CDK8: variants seen among roughly 807,000 people sequenced by gnomAD.
CDK8 encodes the protein cyclin-dependent kinase 8.
CDK8 carries 29 observed loss-of-function variants against 71.5 expected under a neutral mutation model. The observed-to-expected ratio is 0.41, with a 90% CI of 0.30 to 0.55. The LOEUF (loss-of-function observed/expected upper bound fraction) is 0.55, where lower values mean the gene tolerates loss of function less well. Ranked by LOEUF, CDK8 falls within the 20% of genes least tolerant of loss-of-function variation. The pLI, the probability that CDK8 is intolerant of heterozygous loss-of-function variation, is 0.37. For synonymous variants in CDK8, 161 were observed against 192.1 expected, an observed-to-expected ratio of 0.84 and a Z score of 1.34; for missense variants, 288 against 572.6, an observed-to-expected ratio of 0.50 and a Z score of 5.07.
chr13:26,375,537 TCTTTCCACA>T (rs1460979729), intron 4 of CDK8, among the ~76,000 whole-genome samples: 1 of 152,246 alleles, frequency 6.6e-6, no homozygotes, highest in Non-Finnish European at 1.5e-5. Flanking sequence ...TATGCATATA[TCTTTCCACA>T]CAGTAAATTC....
At chr13:26,255,179 G>A (rs1871467267) in intron 1 of CDK8, among the ~76,000 whole-genome samples, 1 of 152,140 alleles carries the variant, frequency 6.6e-6, no homozygotes, top group African/African-American at 2.4e-5. Context: ...CGGTCTAGAA[G>A]GAAGGCTGTG....
chr13:26,397,971 C>T lies in CDK8; in HGVS notation c.933+746C>T, dbSNP rs376214490. Among the ~76,000 whole-genome samples, 3 of 152,094 alleles carry T rather than the reference C, an allele frequency of 2.0e-5. No homozygotes were observed. The East Asian group carries it at 5.8e-4, about 29-fold the overall frequency. ...CTTGAAATTCTTTTAATCCTTATTC[C>T]TAAGTTCTTAAATGAGAATTCTTTC... On this transcript the variant is annotated intron_variant, in intron 9 of 12. Coordinates refer to ENST00000381527, the MANE Select transcript of CDK8 (RefSeq NM_001260.3).
In CDK8 at chr13:26,273,664, A is replaced by ATAT. The variant is rs549073223; in HGVS notation, c.128+18895_128+18896insTAT. Among the ~76,000 whole-genome samples, 577 of 150,460 alleles carry ATAT rather than the reference A, an allele frequency of 3.8e-3. 4 individuals carry two copies. Among genetic ancestry groups the ATAT allele is most frequent in the African/African-American group, 0.013 (526 of 41,198 alleles). Reference sequence around the variant, plus strand: ...TATGTTATTTCCAGGTGCTTTAAAAAATATATATATATATAGTACTATTGG... The same window carrying ATAT: ...TATGTTATTTCCAGGTGCTTTAAAAATATATATATATATATATAGTACTATTGG... On this transcript the variant is annotated intron_variant, in intron 1 of 12. Transcript: ENST00000381527.
At position 26,339,752 on chromosome 13, in the gene CDK8, A is replaced by AT. The variant is rs1555231147; in HGVS notation, c.204+2110_204+2111insT. Among the ~76,000 whole-genome samples, 191 of 41,884 alleles carry AT rather than the reference A, an allele frequency of 4.6e-3. 2 individuals carry two copies. Among genetic ancestry groups the AT allele is most frequent in the Non-Finnish European group, 6.8e-3 (103 of 15,178 alleles). 27.5% of individuals were successfully genotyped at this position (41,884 alleles called of 152,430 possible). On this transcript the variant is annotated intron_variant, in intron 2 of 12. Transcript: ENST00000381527. ...ATTTTATTTATATAATTACTTAAAAAAAAAATATATATATATATATAGTGT... is the reference window on the plus strand; with the variant it reads ...ATTTTATTTATATAATTACTTAAAAATAAAAATATATATATATATATAGTGT...
intron 1 of CDK8, among the ~76,000 whole-genome samples, chr13:26,283,290 T>C (rs538206241): frequency 3.2e-4 from 48 of 152,334 alleles, no homozygotes; most frequent in African/African-American, 1.2e-3. Context: ...GACCATATGA[T>C]AGGTCATGAA....
chr13:26,370,922 A>G (rs1874634219), intron 4 of CDK8, among the ~76,000 whole-genome samples: 1 of 152,308 alleles, frequency 6.6e-6, no homozygotes, highest in Non-Finnish European at 1.5e-5. Context: ...ATTTTCTATA[A>G]GAAATGTTTA....
intron 1 of CDK8, among the ~76,000 whole-genome samples, chr13:26,308,733 G>A (rs1874150535): frequency 6.6e-6 from 1 of 152,208 alleles, no homozygotes; most frequent in Non-Finnish European, 1.5e-5. Flanking sequence ...GTATCTTTTA[G>A]AAGAGTTGTT....
chr13:26,269,274 C>G (rs1872182910), intron 1 of CDK8, among the ~76,000 whole-genome samples: 1 of 152,176 alleles, frequency 6.6e-6, no homozygotes, highest in African/African-American at 2.4e-5. Context: ...GGAAAGTACT[C>G]CTTATAGATA....
At chr13:26,281,390 A>T (rs567673268) in intron 1 of CDK8, among the ~76,000 whole-genome samples, 88 of 152,316 alleles carry the variant, frequency 5.8e-4, no homozygotes, top group African/African-American at 1.9e-3. Flanking sequence ...AGCAATAACA[A>T]TCACTGCAGT....
chr13:26,357,657 A>G (rs1873949988), intron 4 of CDK8, among the ~76,000 whole-genome samples: 1 of 152,186 alleles, frequency 6.6e-6, no homozygotes, highest in African/African-American at 2.4e-5. Context: ...TTATACATAG[A>G]TGGAGAGTGA....
intron 1 of CDK8, among the ~76,000 whole-genome samples, chr13:26,314,472 G>A (rs1028054788): frequency 6.6e-6 from 1 of 152,194 alleles, no homozygotes; most frequent in Non-Finnish European, 1.5e-5. Context: ...TAGTTTTGAT[G>A]TTTGTAGTTC....
chr13:26,323,334 A>AGG (rs1241919450), intron 1 of CDK8, among the ~76,000 whole-genome samples: 1,435 of 125,420 alleles, frequency 0.011, 21 homozygotes, highest in African/African-American at 0.048. Context: ...AGAGGGAGAG[A>AGG]GAGAGGGAGA....
Position 26,404,171 on chromosome 13 carries a change from A to G in CDK8, c.*90A>G. Reference sequence around the variant, plus strand: ...CGGGAACCTGGTATGGGCCATGAGAATGTACTGTACAACCACATCTTCAAA... The same window carrying G: ...CGGGAACCTGGTATGGGCCATGAGAGTGTACTGTACAACCACATCTTCAAA... On this transcript the variant is annotated 3_prime_UTR_variant, in exon 13 of 13. Coordinates refer to ENST00000381527, the MANE Select transcript of CDK8 (RefSeq NM_001260.3). 9 of 1,450,098 alleles carry G rather than the reference A, an allele frequency of 6.2e-6. No homozygotes were observed. The highest frequency in any genetic ancestry group is 8.5e-6 in the Non-Finnish European group (9 of 1,058,088). The allele number at this position is 1,450,098 out of a possible 1,614,324, so 89.8% of individuals were successfully genotyped here.
rs1871397748 is a variant in CDK8, at chr13:26,254,129, G to A, written c.-513G>A. ...GAGTGCCCTCCCTCCTCCTCTCTTTGAGGAGGTACCGGCTGTTGTGCGGCT... is the reference window on the plus strand; with the variant it reads ...GAGTGCCCTCCCTCCTCCTCTCTTTAAGGAGGTACCGGCTGTTGTGCGGCT... On this transcript the variant is annotated 5_prime_UTR_variant, in exon 1 of 13. Coordinates refer to ENST00000381527, the MANE Select transcript of CDK8 (RefSeq NM_001260.3). The surrounding 1 kb of genome is among the most constrained non-coding windows in gnomAD (Gnocchi z 6.7). 1.7e-5 allele frequency: 4 copies of A among 230,634 alleles called. No individual in the cohort carries two copies. Among genetic ancestry groups the A allele is most frequent in the Non-Finnish European group, 3.4e-5 (4 of 116,294 alleles). The allele number at this position is 230,634 out of a possible 1,614,324, so 14.3% of individuals were successfully genotyped here.
chr13:26,288,492 G>C (rs1311625958), intron 1 of CDK8, among the ~76,000 whole-genome samples: 3 of 151,130 alleles, frequency 2.0e-5, no homozygotes, highest in Non-Finnish European at 4.4e-5. Flanking sequence ...AATATAATAG[G>C]TAATATAAAT....
Position 26,381,263 on chromosome 13 carries a change from C to T in CDK8, c.457-1551C>T, listed in dbSNP as rs376389807. 4.6e-5 allele frequency among the ~76,000 whole-genome samples: 7 copies of T among 152,296 alleles called. No individual in the cohort carries two copies. In the East Asian group the frequency reaches 5.8e-4, roughly 13 times the overall value. Reference sequence around the variant, plus strand: ...GCCTAATTCCATTTGGAAAGCCTTTCTCTGCCTTCAGCATTTTGCACTATC... The same window carrying T: ...GCCTAATTCCATTTGGAAAGCCTTTTTCTGCCTTCAGCATTTTGCACTATC... On this transcript the variant is annotated intron_variant, in intron 4 of 12. Transcript: ENST00000381527.
intron 3 of CDK8, among the ~76,000 whole-genome samples, chr13:26,351,016 T>TA (rs1467762222): frequency 1.3e-5 from 2 of 152,088 alleles, no homozygotes; most frequent in Non-Finnish European, 2.9e-5. Flanking sequence ...AGAAAATCTA[T>TA]AATAGGATAG....
intron 4 of CDK8, among the ~76,000 whole-genome samples, chr13:26,360,481 A>G (rs1411145740): frequency 6.6e-6 from 1 of 152,112 alleles, no homozygotes; most frequent in Non-Finnish European, 1.5e-5. Context: ...GCTCGAAATT[A>G]AACTCTCTCT....
chr13:26,385,102 A>G (rs907620254), intron 5 of CDK8, 109 bp from the exon 6 acceptor site: 1 of 884,220 alleles, frequency 1.1e-6, no homozygotes. Flanking sequence ...TTCTTCCCCT[A>G]GAATTGAGCA....
Sources: gnomAD v4.1 joint callset for allele counts (sites outside exome capture counted in the v4.1 genomes callset) on GRCh38, gnomAD v4.1.1 for gene constraint, Gnocchi (gnomAD v3.1) non-coding constraint, MANE v1.5 for transcripts, NCBI Gene and HGNC (gene_info 2026-07-23, HGNC 2026-07-21) for gene names.